GRIK2: variants seen among roughly 807,000 people sequenced by gnomAD.
GRIK2 encodes glutamate ionotropic receptor kainate type subunit 2.
Under a neutral mutation model 100.3 loss-of-function variants are expected in GRIK2, and 32 were observed. That is an observed-to-expected ratio of 0.32 (90% confidence interval 0.24 to 0.43). The LOEUF is 0.43. Among genes scored for constraint, GRIK2 ranks in the 20% least tolerant of loss-of-function variants. The pLI is 1.00. For synonymous variants in GRIK2, 417 were observed against 389.4 expected (o/e 1.07, Z -0.83); for missense variants, 843 against 1,114.9 (o/e 0.76, Z 3.47).
intron 9 of GRIK2, among the ~76,000 whole-genome samples, chr6:101,813,745 C>A (rs2895460): frequency 6.6e-6 from 1 of 151,906 alleles, no homozygotes; most frequent in African/African-American, 2.4e-5. Flanking sequence ...AGGCAGATCA[C>A]CTGAGGTCAG....
chr6:101,553,261 A>G (rs1776595483), intron 2 of GRIK2, among the ~76,000 whole-genome samples: 1 of 152,186 alleles, frequency 6.6e-6, no homozygotes, highest in South Asian at 2.1e-4. Flanking sequence ...GCTATTAAAT[A>G]TTTTCAGCAT....
At chr6:101,729,151 T>C (rs906784614) in intron 7 of GRIK2, among the ~76,000 whole-genome samples, 2 of 152,056 alleles carry the variant, frequency 1.3e-5, no homozygotes, top group African/African-American at 2.4e-5. Context: ...CTTGCTTTCC[T>C]TGGATTGCAG....
At chr6:101,525,909 A>G (rs898917255) in intron 2 of GRIK2, among the ~76,000 whole-genome samples, 3 of 152,210 alleles carry the variant, frequency 2.0e-5, no homozygotes, top group Non-Finnish European at 4.4e-5. Context: ...TACTGTGATG[A>G]ATAAAATGGA....
At chr6:101,708,491 T>A in intron 7 of GRIK2, among the ~76,000 whole-genome samples, 2 of 151,798 alleles carry the variant, frequency 1.3e-5, no homozygotes, top group Middle Eastern at 6.8e-3. Context: ...TAAATCCATC[T>A]ACACATACAT....
chr6:101,905,292 T>A (rs1562478218), intron 12 of GRIK2, among the ~76,000 whole-genome samples: 1 of 151,622 alleles, frequency 6.6e-6, no homozygotes, highest in Non-Finnish European at 1.5e-5. Context: ...ATATGGTCCA[T>A]CCTGCAAGGC....
intron 2 of GRIK2, among the ~76,000 whole-genome samples, chr6:101,529,669 G>A (rs1012542991): frequency 4.6e-5 from 7 of 152,042 alleles, no homozygotes; most frequent in African/African-American, 1.7e-4. Flanking sequence ...CTATAAAGAG[G>A]GTTGGTGTCC....
At position 102,012,433 on chromosome 6, in the gene GRIK2, GA is replaced by G. The variant is rs545881761; in HGVS notation, c.2086-22901del. On this transcript the variant is annotated intron_variant, in intron 14 of 16. Transcript: ENST00000369134. ...TTGTGTTGACTTTATAGATAAAGTT[GA>G]AAAAAACTGACACCTTCACAATATT... Among the ~76,000 whole-genome samples the G allele has an allele frequency of 2.7e-3, 411 of 152,002 alleles. 1 individual carries two copies. The highest frequency in any genetic ancestry group is 4.2e-3 in the South Asian group (20 of 4,818).
At chr6:101,884,771 T>G (rs1222749747) in intron 11 of GRIK2, among the ~76,000 whole-genome samples, 1 of 152,110 alleles carries the variant, frequency 6.6e-6, no homozygotes, top group Non-Finnish European at 1.5e-5. Flanking sequence ...CTTTGAAAAT[T>G]TTAGTAAGTT....
intron 7 of GRIK2, among the ~76,000 whole-genome samples, chr6:101,746,888 G>C (rs1015237857): frequency 1.3e-5 from 2 of 152,110 alleles, no homozygotes; most frequent in Non-Finnish European, 2.9e-5. Flanking sequence ...GGTATTTTCT[G>C]TAATATGGTT....
intron 7 of GRIK2, among the ~76,000 whole-genome samples, chr6:101,771,755 T>A (rs1778422998): frequency 6.8e-6 from 1 of 146,214 alleles, no homozygotes; most frequent in Non-Finnish European, 1.5e-5. Flanking sequence ...ATTGTTCAAT[T>A]CCCACCTATG....
intron 7 of GRIK2, among the ~76,000 whole-genome samples, chr6:101,798,555 G>A (rs1030954233): frequency 6.6e-6 from 1 of 151,952 alleles, no homozygotes; most frequent in African/African-American, 2.4e-5. Flanking sequence ...AGCTCCTTAG[G>A]ATCCATTTGG....
intron 11 of GRIK2, among the ~76,000 whole-genome samples, chr6:101,887,506 C>T (rs1786739029): frequency 1.3e-5 from 2 of 151,710 alleles, no homozygotes; most frequent in Non-Finnish European, 2.9e-5. Flanking sequence ...TCATTTTTTA[C>T]CTGAAGTCTA....
At chr6:101,933,372 G>A (rs938494421) in intron 14 of GRIK2, among the ~76,000 whole-genome samples, 2 of 150,926 alleles carry the variant, frequency 1.3e-5, no homozygotes, top group African/African-American at 2.4e-5. Context: ...CTGATTACTC[G>A]TCTATCTCTT....
At chr6:101,410,894 T>C (rs1397552404) in intron 2 of GRIK2, among the ~76,000 whole-genome samples, 1 of 152,030 alleles carries the variant, frequency 6.6e-6, no homozygotes, top group Non-Finnish European at 1.5e-5. Context: ...TGGAGGACAA[T>C]CAGTCTCAAG....
At chr6:101,841,386 C>T (rs141543690) in intron 10 of GRIK2, among the ~76,000 whole-genome samples, 35 of 142,262 alleles carry the variant, frequency 2.5e-4, no homozygotes, top group South Asian at 1.4e-3. Flanking sequence ...TTTTTTGGTA[C>T]GGTTTCTCTC....
chr6:101,460,825 A>G (rs1562154072), intron 2 of GRIK2, among the ~76,000 whole-genome samples: 1 of 152,168 alleles, frequency 6.6e-6, no homozygotes, highest in Non-Finnish European at 1.5e-5. Flanking sequence ...ATTCACAATC[A>G]GTCATTTTTT....
chr6:101,578,201 C>T (rs1223143051), intron 2 of GRIK2, among the ~76,000 whole-genome samples: 2 of 152,118 alleles, frequency 1.3e-5, no homozygotes, highest in South Asian at 2.1e-4. Flanking sequence ...CTCTCCATTC[C>T]CTCTTTTCCT....
At chr6:101,484,738 T>A (rs1772724486) in intron 2 of GRIK2, among the ~76,000 whole-genome samples, 1 of 152,092 alleles carries the variant, frequency 6.6e-6, no homozygotes, top group Admixed American at 6.6e-5. Context: ...AAATTTGAGG[T>A]AAAGTACATT....
In GRIK2 at chr6:101,791,269, T is replaced by C. The variant is rs1229327539; in HGVS notation, c.952-8379T>C. On this transcript the variant is annotated intron_variant, in intron 7 of 16. Transcript: ENST00000369134. ...TGCTAGCTTTTGAATGTGTTTGCTC[T>C]TGCTTTTCTGGTTCTTTTAATTGTG... Among the ~76,000 whole-genome samples the C allele has an allele frequency of 7.9e-5, 12 of 152,316 alleles. No individual in the cohort carries two copies. In the East Asian group the frequency reaches 2.1e-3, roughly 27 times the overall value.
Sources: gnomAD v4.1 joint callset for allele counts (sites outside exome capture counted in the v4.1 genomes callset) on GRCh38, gnomAD v4.1.1 for gene constraint, MANE v1.5 for transcripts, NCBI Gene and HGNC (gene_info 2026-07-23, HGNC 2026-07-21) for gene names.